Variants in SH3BP2 observed in about 807,000 individuals in gnomAD.
SH3BP2 encodes SH3 domain binding protein 2.
In SH3BP2, 38 loss-of-function variants were observed where a neutral mutation model predicts 56.2. That is an observed-to-expected ratio of 0.68 (90% confidence interval 0.52 to 0.89). The LOEUF is 0.89. Ranked by LOEUF, SH3BP2 falls within the 40% of genes least tolerant of loss-of-function variation. SH3BP2 has a pLI of 0.00. For synonymous variants in SH3BP2, 346 were observed against 316.7 expected (o/e 1.09, Z -0.98); for missense variants, 748 against 762.6 (o/e 0.98, Z 0.23).
intron 3 of SH3BP2, chr4:2,823,459 C>T (rs1724418440): frequency 2.2e-6 from 1 of 458,394 alleles, no homozygotes; most frequent in African/African-American, 2.0e-5. Context: ...GGATTCCCTG[C>T]TCCAGGGTCC....
rs917530950 is a variant in SH3BP2, at chr4:2,835,054, C to G, written c.*1220C>G. On this transcript the variant is annotated 3_prime_UTR_variant, in exon 13 of 13. Coordinates refer to ENST00000503393, the MANE Select transcript of SH3BP2 (RefSeq NM_001122681.2). The stretch of plus-strand genomic sequence containing the variant: ...ATGGAGTTCCAGCAGGTCACTCTCC[C>G]TGGCACACCTTCCAGGCTGGATTTT... 1.3e-5 allele frequency: 2 copies of G among 152,274 alleles called. No individual in the cohort carries two copies. The highest frequency in any genetic ancestry group is 4.8e-5 in the African/African-American group (2 of 41,456). 9.4% of individuals were successfully genotyped at this position (152,274 alleles called of 1,614,324 possible). A position where few individuals can be genotyped will look rare whatever the true frequency, so the allele number is the denominator to read the frequency against.
chr4:2,798,479 C>G (rs1723131157), intron 1 of SH3BP2: 1 of 152,226 alleles, frequency 6.6e-6, no homozygotes. Context: ...AGGCTCAGAG[C>G]CAGAGGAGGC....
Position 2,832,423 on chromosome 4 carries a change from G to A in SH3BP2, c.1488+11G>A. The A allele has an allele frequency of 6.2e-7, 1 of 1,610,984 alleles. No individual in the cohort carries two copies. Among genetic ancestry groups the A allele is most frequent in the Non-Finnish European group, 8.5e-7 (1 of 1,177,268 alleles). On this transcript the variant is annotated intron_variant, in intron 11 of 12. Coordinates refer to ENST00000503393, the MANE Select transcript of SH3BP2 (RefSeq NM_001122681.2). Reference sequence around the variant, plus strand: ...ACCAAGTCGGGGAAGGTAGGCGCCAGGGGAAGATGCCCCAGGGCCCCTCTG... The same window carrying A: ...ACCAAGTCGGGGAAGGTAGGCGCCAAGGGAAGATGCCCCAGGGCCCCTCTG...
chr4:2,830,859 AATGCCCTTGCCCACG>A (rs1724947519), intron 8 of SH3BP2, among the ~76,000 whole-genome samples: 1 of 152,166 alleles, frequency 6.6e-6, no homozygotes, highest in African/African-American at 2.4e-5. Context: ...CGCACCCCCG[AATGCCCTTGCCCACG>A]GTGCCCTTCT....
Position 2,840,189 on chromosome 4 carries a change from C to T in SH3BP2, c.*6355C>T, listed in dbSNP as rs1463890356. The T allele has an allele frequency of 2.2e-5, 3 of 133,778 alleles. No homozygotes were observed. The highest frequency in any genetic ancestry group is 4.6e-5 in the Non-Finnish European group (3 of 65,224). The allele number at this position is 133,778 out of a possible 1,614,324, so 8.3% of individuals were successfully genotyped here. On this transcript the variant is annotated 3_prime_UTR_variant, in exon 13 of 13. Coordinates refer to ENST00000503393, the MANE Select transcript of SH3BP2 (RefSeq NM_001122681.2). Reference sequence around the variant, plus strand: ...GCAGTGAGCTGTGATTGTGCCACTGCACTTCAGCCTGTGAGACAGAGTGAG... The same window carrying T: ...GCAGTGAGCTGTGATTGTGCCACTGTACTTCAGCCTGTGAGACAGAGTGAG...
chr4:2,797,602 C>T (rs397835138), intron 1 of SH3BP2, among the ~76,000 whole-genome samples: 36 of 152,320 alleles, frequency 2.4e-4, no homozygotes, highest in African/African-American at 6.3e-4. Context: ...TCAGGGTACC[C>T]TCCCTGGCCA....
intron 5 of SH3BP2, 107 bp from the exon 6 acceptor site, chr4:2,827,123 G>T: frequency 1.2e-6 from 1 of 830,118 alleles, no homozygotes. Context: ...GTGCATCTGT[G>T]TATCTGTCCA....
chr4:2,817,314 A>G (rs544644489), intron 1 of SH3BP2, among the ~76,000 whole-genome samples: 26 of 152,148 alleles, frequency 1.7e-4, no homozygotes, highest in African/African-American at 6.3e-4. Context: ...CCAAGAGGCA[A>G]TGGAGAGGGG....
Position 2,833,805 on chromosome 4 carries a change from C to G in SH3BP2, c.1657C>G (p.His553Asp). 6.3e-7 allele frequency: 1 copy of G among 1,587,410 alleles called. No individual in the cohort carries two copies. The change falls in exon 13 of 13, where the codon CAC becomes GAC. Residue 553 changes from histidine to aspartate, a missense_variant. By Grantham distance (81) the His-to-Asp change is moderately conservative. Coordinates refer to ENST00000503393, the MANE Select transcript of SH3BP2 (RefSeq NM_001122681.2). ...LPSHQSLLLR[H>D]PYGYTGPR is the part of the protein sequence containing the mutation. Reference sequence around the variant, plus strand: ...CAGCCACCAGAGCCTGCTGCTGCGGCACCCCTACGGCTACACTGGGCCTAG... The same window carrying G: ...CAGCCACCAGAGCCTGCTGCTGCGGGACCCCTACGGCTACACTGGGCCTAG...
At chr4:2,826,629 T>C in intron 5 of SH3BP2, 1 of 340,338 alleles carries the variant, frequency 2.9e-6, no homozygotes, top group Admixed American at 4.3e-5. Flanking sequence ...CATGTCTGCG[T>C]GTTGCTCTGT....
chr4:2,823,328 C>A, intron 3 of SH3BP2: 1 of 529,410 alleles, frequency 1.9e-6, no homozygotes, highest in Non-Finnish European at 3.6e-6. Context: ...TCGGCCACCA[C>A]CCAGTGACTT....
chr4:2,824,818 T>A (rs1183715258), intron 4 of SH3BP2, 88 bp downstream of exon 4: 2 of 1,035,946 alleles, frequency 1.9e-6, no homozygotes, highest in Non-Finnish European at 3.0e-6. Flanking sequence ...GGCTCGCTGG[T>A]CCTGGGGCGC....
At chr4:2,802,852 G>A (rs1723368199) in intron 1 of SH3BP2, among the ~76,000 whole-genome samples, 1 of 152,208 alleles carries the variant, frequency 6.6e-6, no homozygotes, top group African/African-American at 2.4e-5. Flanking sequence ...GTGGGTCCCA[G>A]CCTGTGGCAC....
At chr4:2,799,179 C>T in intron 1 of SH3BP2, 33 of 985,578 alleles carry the variant, frequency 3.3e-5, no homozygotes, top group Non-Finnish European at 3.9e-5. Flanking sequence ...CTCCTTCCTC[C>T]CCACCGGAGG....
intron 1 of SH3BP2, chr4:2,812,105 G>C: frequency 8.2e-7 from 1 of 1,224,112 alleles, no homozygotes; most frequent in Non-Finnish European, 1.1e-6. Flanking sequence ...CACAGGATGG[G>C]AGGGCAGGAG....
At chr4:2,832,647 A>G (rs1725053886) in intron 11 of SH3BP2, among the ~76,000 whole-genome samples, 2 of 152,130 alleles carry the variant, frequency 1.3e-5, no homozygotes, top group African/African-American at 2.4e-5. Flanking sequence ...CGGGTGGGGT[A>G]GGGCTCATGC....
In SH3BP2 at chr4:2,837,468, G is replaced by C. The variant is rs1410647554; in HGVS notation, c.*3634G>C. On this transcript the variant is annotated 3_prime_UTR_variant, in exon 13 of 13. Transcript: ENST00000503393. ...CCTGCACCTCAGGATGGGCGAGGGT[G>C]GGCATTGGGGGAGAGGGGGACCTGG... The C allele has an allele frequency of 6.6e-6, 1 of 152,356 alleles. No homozygotes were observed. Among genetic ancestry groups the C allele is most frequent in the Non-Finnish European group, 1.5e-5 (1 of 68,106 alleles). 9.4% of individuals were successfully genotyped at this position (152,356 alleles called of 1,614,324 possible). A position where few individuals can be genotyped will look rare whatever the true frequency, so the allele number is the denominator to read the frequency against.
chr4:2,830,096 C>T lies in SH3BP2; in HGVS notation c.1190C>T (p.Ala397Val), dbSNP rs527342066. Residue 397 changes from alanine to valine, a missense_variant, in exon 8 of 13, where the codon GCG becomes GTG. Physicochemically the swap from Ala to Val is moderately conservative, Grantham distance 64. Transcript: ENST00000503393. ...AAGCTGCCAGTGCCTGAGGCCATGG[C>T]GCGGCCCGCAGTCCTGCCCAGGCCA... is the stretch of plus-strand genomic sequence containing the variant. ...ALKLPVPEAMARPAVLPRPEK... is the reference protein window; with the variant it reads ...ALKLPVPEAMVRPAVLPRPEK... 70 of 1,607,234 alleles carry T rather than the reference C, an allele frequency of 4.4e-5. No homozygotes were observed. Among genetic ancestry groups the T allele is most frequent in the African/African-American group, 5.3e-5 (4 of 75,050 alleles).
At chr4:2,811,019 C>T (rs7698922) in intron 1 of SH3BP2, among the ~76,000 whole-genome samples, 6 of 152,300 alleles carry the variant, frequency 3.9e-5, no homozygotes, top group African/African-American at 1.4e-4. Context: ...GCTGGGGACG[C>T]CAGGGTGTCT....
Sources: gnomAD v4.1 joint callset for allele counts (sites outside exome capture counted in the v4.1 genomes callset) on GRCh38, gnomAD v4.1.1 for gene constraint, MANE v1.5 for transcripts, NCBI Gene and HGNC (gene_info 2026-07-23, HGNC 2026-07-21) for gene names.